ERO1A: variants seen among roughly 807,000 people sequenced by gnomAD.
ERO1A encodes ERO1-like protein alpha.
A neutral mutation model predicts 76.9 loss-of-function variants in ERO1A; 49 were observed. The observed-to-expected ratio is 0.64, with a 90% CI of 0.51 to 0.81. The LOEUF is 0.81. Ranked by LOEUF, ERO1A falls within the 30% of genes least tolerant of loss-of-function variation. The pLI, the probability that ERO1A is intolerant of heterozygous loss-of-function variation, is 0.00. For synonymous variants in ERO1A, 174 were observed against 181.2 expected, an observed-to-expected ratio of 0.96 and a Z score of 0.32; for missense variants, 448 against 542.1, an observed-to-expected ratio of 0.83 and a Z score of 1.72.
chr14:52,663,967 T>A, intron 7 of ERO1A, 120 bp from the exon 8 acceptor site: 2 of 560,248 alleles, frequency 3.6e-6, no homozygotes, highest in Non-Finnish European at 6.3e-6. Context: ...ATTGAGATTA[T>A]AAAACACTTA....
intron 1 of ERO1A, among the ~76,000 whole-genome samples, chr14:52,685,294 T>A (rs1030066251): frequency 1.3e-5 from 2 of 152,176 alleles, no homozygotes; most frequent in Non-Finnish European, 2.9e-5. Context: ...TTTGGACTAA[T>A]TCAGTTTCTA....
In ERO1A at chr14:52,682,375, C is replaced by T; in HGVS notation, c.268G>A (p.Asp90Asn). 1 of 1,612,228 alleles carries T rather than the reference C, an allele frequency of 6.2e-7. No homozygotes were observed. The highest frequency in any genetic ancestry group is 1.7e-5 in the Admixed American group (1 of 59,988). Residue 90 changes from aspartate to asparagine, a missense_variant, in exon 3 of 16, where the codon GAC becomes AAC. Physicochemically the swap from Asp to Asn is conservative, Grantham distance 23. Coordinates refer to ENST00000395686, the MANE Select transcript of ERO1A (RefSeq NM_014584.3). ...TCCCTTCTTCCACACTGGCTGATGT[C>T]ATTCCAGAAAGGACACGGCCTCTTC... is the stretch of plus-strand genomic sequence containing the variant. ...NLKRPCPFWN[D>N]ISQCGRRDCA...
rs765159794 is a variant in ERO1A, at chr14:52,657,959, C to T, written c.766G>A (p.Ala256Thr). ...GCACTCAAATGCACATTAATGCTTGCATGTAGGCCAGATATAAGTCTGTAG... is the reference window on the plus strand; with the variant it reads ...GCACTCAAATGCACATTAATGCTTGTATGTAGGCCAGATATAAGTCTGTAG... ...AFYRLISGLH[A>T]SINVHLSARY... Residue 256 changes from alanine to threonine, a missense_variant, in exon 11 of 16, where the codon GCA (alanine) becomes ACA (threonine). This residue lies in a region of ERO1A where 302 missense variants were observed against 411.9 expected (regional missense o/e 0.73). Transcript: ENST00000395686. The T allele has an allele frequency of 4.3e-6, 7 of 1,612,494 alleles. No individual in the cohort carries two copies. The East Asian group carries it at 1.1e-4, about 26-fold the overall frequency.
intron 9 of ERO1A, among the ~76,000 whole-genome samples, chr14:52,659,833 TA>T (rs11463869): frequency 1.7e-3 from 238 of 137,516 alleles, no homozygotes; most frequent in Non-Finnish European, 2.1e-3. Flanking sequence ...GTGTCCTTTT[TA>T]AAAAAAAAAA....
chr14:52,689,670 T>C (rs949786234), intron 1 of ERO1A, among the ~76,000 whole-genome samples: 4 of 152,206 alleles, frequency 2.6e-5, no homozygotes, highest in African/African-American at 9.6e-5. Context: ...CCCATGTTCA[T>C]AAATTGAGAG....
rs537487299 is a variant in ERO1A, at chr14:52,661,090, G to A, written c.688+203C>T. Among the ~76,000 whole-genome samples, 4 of 152,236 alleles carry A rather than the reference G, an allele frequency of 2.6e-5. No homozygotes were observed. In the East Asian group the frequency reaches 7.7e-4, roughly 29 times the overall value. On this transcript the variant is annotated intron_variant, in intron 9 of 15. Transcript: ENST00000395686. ...TGCAAATGAATGATCAGAGGCTGAGGCACACTGTTTCTAATGCCTGAACCC... is the reference window on the plus strand; with the variant it reads ...TGCAAATGAATGATCAGAGGCTGAGACACACTGTTTCTAATGCCTGAACCC...
At chr14:52,695,127 C>A (rs1453578383) in intron 1 of ERO1A, among the ~76,000 whole-genome samples, 3 of 152,240 alleles carry the variant, frequency 2.0e-5, no homozygotes, top group African/African-American at 7.2e-5. Flanking sequence ...CAACCGCGTG[C>A]ACCCAACCCC....
chr14:52,680,082 C>CAAAAAAA lies in ERO1A; in HGVS notation c.319-1617_319-1611dup, dbSNP rs35358193. ...CTCAAAAACAAGCAAAAAACACAAA[C>CAAAAAAA]AAAAAAAAAAAAAAAAAAAAACAAA... is the stretch of plus-strand genomic sequence containing the variant. On this transcript the variant is annotated intron_variant, in intron 3 of 15. Transcript: ENST00000395686. 9.9e-5 allele frequency among the ~76,000 whole-genome samples: 9 copies of CAAAAAAA among 90,920 alleles called. 1 individual carries two copies. The highest frequency in any genetic ancestry group is 3.5e-4 in the South Asian group (1 of 2,820). 59.6% of individuals were successfully genotyped at this position (90,920 alleles called of 152,430 possible).
chr14:52,667,170 T>G (rs1373736826), intron 6 of ERO1A, among the ~76,000 whole-genome samples: 2 of 152,234 alleles, frequency 1.3e-5, no homozygotes, highest in African/African-American at 4.8e-5. Flanking sequence ...GTGTTAGTAT[T>G]GTACACTGCG....
Position 52,666,439 on chromosome 14 carries a change from T to A in ERO1A, c.565A>T (p.Thr189Ser), listed in dbSNP as rs1244919568. Residue 189 changes from threonine (T) to serine (S), a missense_variant, in exon 7 of 16, where the codon ACT (threonine) becomes TCT (serine). By Grantham distance (58) the Thr-to-Ser change is moderately conservative (BLOSUM62 1). Coordinates refer to ENST00000395686, the MANE Select transcript of ERO1A (RefSeq NM_014584.3). Reference sequence around the variant, plus strand: ...CAAGCATCTGGTCCCTTGTAACCAGTGTAGCGCTCAGGATTAAGAAGCAAA... The same window carrying A: ...CAAGCATCTGGTCCCTTGTAACCAGAGTAGCGCTCAGGATTAAGAAGCAAA... ...VDLLLNPERYTGYKGPDAWKI... is the reference protein window; with the variant it reads ...VDLLLNPERYSGYKGPDAWKI... 5 of 1,611,270 alleles carry A rather than the reference T, an allele frequency of 3.1e-6. No individual in the cohort carries two copies. In the South Asian group the frequency reaches 3.3e-5, roughly 11 times the overall value.
At chr14:52,679,597 C>T (rs934052262) in intron 3 of ERO1A, among the ~76,000 whole-genome samples, 2 of 152,082 alleles carry the variant, frequency 1.3e-5, no homozygotes, top group South Asian at 4.2e-4. Flanking sequence ...AGGGTTTCAC[C>T]ATGTTGGCCA....
Position 52,651,131 on chromosome 14 carries a change from T to TA in ERO1A, c.1125+1107dup, listed in dbSNP as rs139912038. Among the ~76,000 whole-genome samples the TA allele has an allele frequency of 8.6e-3, 1,183 of 138,276 alleles. 17 individuals carry two copies. The highest frequency in any genetic ancestry group is 0.031 in the African/African-American group (1,133 of 37,008). The allele number at this position is 138,276 out of a possible 152,430, so 90.7% of individuals were successfully genotyped here. On this transcript the variant is annotated intron_variant, in intron 13 of 15. Coordinates refer to ENST00000395686, the MANE Select transcript of ERO1A (RefSeq NM_014584.3). ...CAAAAAAAAAAAAAAAAAAAAAAGT[T>TA]AGACAGGCATGGTGATATGTGCCTG...
intron 11 of ERO1A, among the ~76,000 whole-genome samples, chr14:52,657,361 G>C (rs539557093): frequency 6.9e-4 from 105 of 152,228 alleles, no homozygotes; most frequent in African/African-American, 2.4e-3. Context: ...GCACACTAGA[G>C]TGGGCAATAG....
At chr14:52,656,061 C>G (rs2040032940) in intron 11 of ERO1A, among the ~76,000 whole-genome samples, 1 of 152,178 alleles carries the variant, frequency 6.6e-6, no homozygotes, top group Non-Finnish European at 1.5e-5. Flanking sequence ...TCTATAGTCA[C>G]TACGCTGTAC....
chr14:52,647,279 C>T (rs2039704074), intron 13 of ERO1A, among the ~76,000 whole-genome samples: 1 of 149,168 alleles, frequency 6.7e-6, no homozygotes, highest in Admixed American at 6.8e-5. Flanking sequence ...GGATTACAGG[C>T]GTGAGCCACT....
rs756589242 is a variant in ERO1A, at chr14:52,682,328, T to C, written c.315A>G (p.Gln105=). ...TAAATGTATACATGGTTCTTACAGA[T>C]TGACATGGTTTGACAGCACAGTCCC... is the stretch of plus-strand genomic sequence containing the variant. ...GRRDCAVKPC[Q]SDEVPDGIKS... The change falls in exon 3 of 16, where the codon CAA becomes CAG. Residue 105 remains glutamine, a synonymous_variant. Coordinates refer to ENST00000395686, the MANE Select transcript of ERO1A (RefSeq NM_014584.3). 1.2e-6 allele frequency: 2 copies of C among 1,602,398 alleles called. No homozygotes were observed. Among genetic ancestry groups the C allele is most frequent in the African/African-American group, 1.3e-5 (1 of 74,646 alleles).
chr14:52,650,954 C>G (rs1194718759), intron 13 of ERO1A, among the ~76,000 whole-genome samples: 1 of 152,152 alleles, frequency 6.6e-6, no homozygotes, highest in African/African-American at 2.4e-5. Flanking sequence ...GTATTCATAA[C>G]TGTCTTTAAT....
intron 1 of ERO1A, among the ~76,000 whole-genome samples, chr14:52,691,729 T>C (rs2041361228): frequency 6.6e-6 from 1 of 152,256 alleles, no homozygotes; most frequent in Admixed American, 6.5e-5. Flanking sequence ...GACAGAGATT[T>C]ACTGTGCTCA....
chr14:52,671,529 G>A (rs2040596618), intron 6 of ERO1A, 101 bp downstream of exon 6: 1 of 731,452 alleles, frequency 1.4e-6, no homozygotes. Context: ...AGATAAGCTG[G>A]GACTACAGGC....
Sources: gnomAD v4.1 joint callset for allele counts (sites outside exome capture counted in the v4.1 genomes callset) on GRCh38, gnomAD v4.1.1 for gene constraint, gnomAD v4.1.1 regional missense constraint, MANE v1.5 for transcripts, NCBI Gene and HGNC (gene_info 2026-07-23, HGNC 2026-07-21) for gene names.